Variants in PTPRD observed in about 807,000 individuals in gnomAD.
PTPRD encodes receptor-type tyrosine-protein phosphatase delta.
A neutral mutation model predicts 214.5 loss-of-function variants in PTPRD; 34 were observed. That is an observed-to-expected ratio of 0.16 (90% CI 0.12 to 0.21). The LOEUF (loss-of-function observed/expected upper bound fraction) is 0.21. PTPRD is among the 10% of genes least tolerant of loss of function. PTPRD has a pLI of 1.00. For missense variants in PTPRD, 2,545 were observed against 2,398.7 expected, an observed-to-expected ratio of 1.06 and a Z score of -1.27; for synonymous variants, 1,128 against 845.7, an observed-to-expected ratio of 1.33 and a Z score of -5.79.
intron 5 of PTPRD, among the ~76,000 whole-genome samples, chr9:9,897,965 T>C (rs965432840): frequency 1.3e-5 from 2 of 152,070 alleles, no homozygotes; most frequent in African/African-American, 4.8e-5. Context: ...GGTAATCAAG[T>C]AAGCATGGCT....
At chr9:8,617,232 AAG>A (rs1254359978) in intron 14 of PTPRD, among the ~76,000 whole-genome samples, 2 of 152,110 alleles carry the variant, frequency 1.3e-5, no homozygotes, top group African/African-American at 2.4e-5. Flanking sequence ...AGAAAGAAGG[AAG>A]AGAGAGAAGA....
intron 7 of PTPRD, among the ~76,000 whole-genome samples, chr9:9,597,503 T>C (rs545569225): frequency 1.3e-5 from 2 of 152,164 alleles, no homozygotes; most frequent in South Asian, 2.1e-4. Flanking sequence ...AAACTGATTG[T>C]TCAACATGAT....
In PTPRD at chr9:9,218,985, A is replaced by T. The variant is rs149950407; in HGVS notation, c.-202-35622T>A. ...AAGTAGCAAAATAAAAAGCATAAGC[A>T]TCAATGAATATACTACAAGGAAAGG... On this transcript the variant is annotated intron_variant, in intron 9 of 45. Transcript: ENST00000381196. Among the ~76,000 whole-genome samples, 11 of 152,274 alleles carry T rather than the reference A, an allele frequency of 7.2e-5. No homozygotes were observed. The East Asian group carries it at 2.1e-3, about 29-fold the overall frequency.
At chr9:10,414,464 A>C (rs1262364115) in intron 2 of PTPRD, among the ~76,000 whole-genome samples, 1 of 151,990 alleles carries the variant, frequency 6.6e-6, no homozygotes, top group Admixed American at 6.6e-5. Flanking sequence ...TCATGCAGAA[A>C]AAGGAACACT....
intron 22 of PTPRD, among the ~76,000 whole-genome samples, chr9:8,505,864 T>G (rs1272287587): frequency 6.6e-6 from 1 of 152,184 alleles, no homozygotes; most frequent in Non-Finnish European, 1.5e-5. Context: ...TGTGTCTATG[T>G]ATGCCTGTAT....
At chr9:8,899,643 A>G (rs937810823) in intron 11 of PTPRD, among the ~76,000 whole-genome samples, 3 of 152,160 alleles carry the variant, frequency 2.0e-5, no homozygotes, top group Admixed American at 2.0e-4. Flanking sequence ...GTTTTAAAGG[A>G]AACAGCCTGT....
intron 2 of PTPRD, among the ~76,000 whole-genome samples, chr9:10,444,799 C>G (rs952272032): frequency 6.6e-6 from 1 of 151,756 alleles, no homozygotes; most frequent in Non-Finnish European, 1.5e-5. Flanking sequence ...TTCAGATAAT[C>G]TTTCTGAATA....
At chr9:10,093,912 A>G (rs1393700859) in intron 3 of PTPRD, among the ~76,000 whole-genome samples, 1 of 151,376 alleles carries the variant, frequency 6.6e-6, no homozygotes, top group Non-Finnish European at 1.5e-5. Context: ...AAAGATAGGA[A>G]CAGTAGACAC....
At chr9:9,301,445 C>T (rs1280284416) in intron 9 of PTPRD, among the ~76,000 whole-genome samples, 5 of 151,784 alleles carry the variant, frequency 3.3e-5, no homozygotes, top group Admixed American at 2.0e-4. Flanking sequence ...AGACTGAGTA[C>T]TTACTTTAAA....
chr9:10,031,647 T>TATATATATATATACACACACACACAC, intron 4 of PTPRD, among the ~76,000 whole-genome samples: 1,178 of 89,078 alleles, frequency 0.013, 13 homozygotes, highest in Non-Finnish European at 0.015. Flanking sequence ...TATATATATA[T>TATATATATATATACACACACACACAC]ACACACACAC....
intron 5 of PTPRD, among the ~76,000 whole-genome samples, chr9:9,781,999 A>G (rs2098847954): frequency 1.3e-5 from 2 of 151,974 alleles, no homozygotes; most frequent in South Asian, 4.1e-4. Flanking sequence ...TCACCGTGTT[A>G]ACCAGGATGG....
chr9:8,611,979 G>A (rs1282576738), intron 14 of PTPRD, among the ~76,000 whole-genome samples: 2 of 129,594 alleles, frequency 1.5e-5, no homozygotes, highest in Non-Finnish European at 3.2e-5. Flanking sequence ...GAGGGGAGGG[G>A]AGGGGAGGGG....
intron 34 of PTPRD, chr9:8,437,112 C>G: frequency 2.2e-6 from 2 of 909,880 alleles, no homozygotes; most frequent in Non-Finnish European, 3.3e-6. Context: ...AATAAGAAAA[C>G]AGACACTGAG....
chr9:10,436,976 G>A (rs2098722644), intron 2 of PTPRD, among the ~76,000 whole-genome samples: 1 of 151,764 alleles, frequency 6.6e-6, no homozygotes, highest in Non-Finnish European at 1.5e-5. Flanking sequence ...TCAATGTGTG[G>A]GCTGAGCTTA....
chr9:8,831,554 G>C (rs1234727978), intron 11 of PTPRD, among the ~76,000 whole-genome samples: 1 of 152,048 alleles, frequency 6.6e-6, no homozygotes, highest in East Asian at 1.9e-4. Flanking sequence ...ATTTCAAATA[G>C]AAAGAGAAAC....
intron 9 of PTPRD, among the ~76,000 whole-genome samples, chr9:9,216,213 A>G (rs913224043): frequency 3.3e-5 from 5 of 152,124 alleles, no homozygotes; most frequent in Non-Finnish European, 7.4e-5. Flanking sequence ...GTACCTTGAC[A>G]TACATTTTAC....
intron 11 of PTPRD, among the ~76,000 whole-genome samples, chr9:8,807,019 G>C (rs764150670): frequency 2.3e-4 from 35 of 152,148 alleles, no homozygotes; most frequent in Non-Finnish European, 4.3e-4. Context: ...TTTATGTTAA[G>C]AGAATAGCTG....
chr9:9,724,270 C>G (rs2098032644), intron 7 of PTPRD, among the ~76,000 whole-genome samples: 1 of 152,044 alleles, frequency 6.6e-6, no homozygotes, highest in Admixed American at 6.6e-5. Flanking sequence ...TGAGATATAT[C>G]TTTTATCTTA....
rs2097163284 is a variant in PTPRD, at chr9:9,686,143, GT to G, written c.-287+48389del. Among the ~76,000 whole-genome samples, 3 of 151,236 alleles carry G rather than the reference GT, an allele frequency of 2.0e-5. No homozygotes were observed. In the South Asian group the frequency reaches 6.2e-4, roughly 31 times the overall value. On this transcript the variant is annotated intron_variant, in intron 7 of 45. Transcript: ENST00000381196. ...CTGTTGGATTTTTGTTGTTGCTGTT[GT>G]TGAAATAATTTTTTTTAATTTTCAA...
Sources: gnomAD v4.1 joint callset for allele counts (sites outside exome capture counted in the v4.1 genomes callset) on GRCh38, gnomAD v4.1.1 for gene constraint, MANE v1.5 for transcripts, NCBI Gene and HGNC (gene_info 2026-07-23, HGNC 2026-07-21) for gene names.